The following WDR25 variants were observed in gnomAD, a reference collection of about 807,000 sequenced individuals.
WDR25 encodes WD repeat-containing protein 25.
In WDR25, 35 loss-of-function variants were observed where a neutral mutation model predicts 47.7. The ratio of observed to expected loss-of-function variants is 0.73; its 90% confidence interval spans 0.56 to 0.97. WDR25 has a LOEUF of 0.97. WDR25 is among the 50% of genes least tolerant of loss of function. The pLI is 0.00. For synonymous variants in WDR25, 248 were observed against 278.9 expected (o/e 0.89, Z 1.10); for missense variants, 634 against 704.7 (o/e 0.90, Z 1.14).
intron 2 of WDR25, among the ~76,000 whole-genome samples, chr14:100,390,035 TTATC>T (rs1595492260): frequency 6.6e-6 from 1 of 152,356 alleles, no homozygotes; most frequent in Middle Eastern, 3.4e-3. Flanking sequence ...TTCTTCCACT[TTATC>T]TATCTTTCAA....
chr14:100,462,421 C>G (rs1335775841), intron 2 of WDR25, among the ~76,000 whole-genome samples: 1 of 152,180 alleles, frequency 6.6e-6, no homozygotes, highest in African/African-American at 2.4e-5. Flanking sequence ...GGGAATTAAT[C>G]TTTAAAACCT....
At chr14:100,389,255 C>T (rs1897085614) in intron 2 of WDR25, among the ~76,000 whole-genome samples, 1 of 152,180 alleles carries the variant, frequency 6.6e-6, no homozygotes, top group Non-Finnish European at 1.5e-5. Flanking sequence ...AGCAGCGTTT[C>T]CTTCTAGTCT....
chr14:100,466,091 T>C (rs1267372950), intron 2 of WDR25, among the ~76,000 whole-genome samples: 2 of 152,248 alleles, frequency 1.3e-5, no homozygotes, highest in African/African-American at 2.4e-5. Flanking sequence ...AGCAGTTCCC[T>C]GTGCCCCATC....
intron 2 of WDR25, among the ~76,000 whole-genome samples, chr14:100,398,070 T>C (rs1030469408): frequency 3.9e-5 from 6 of 152,164 alleles, no homozygotes; most frequent in African/African-American, 1.2e-4. Context: ...ACTCCTTACC[T>C]CAAGTGATCC....
intron 2 of WDR25, among the ~76,000 whole-genome samples, chr14:100,448,243 G>C (rs1898905230): frequency 6.7e-6 from 1 of 150,260 alleles, no homozygotes; most frequent in Admixed American, 6.7e-5. Flanking sequence ...AAAATGTTAA[G>C]TGAAGAAAGC....
intron 2 of WDR25, among the ~76,000 whole-genome samples, chr14:100,446,295 C>A (rs1028684419): frequency 1.3e-5 from 2 of 152,154 alleles, no homozygotes; most frequent in African/African-American, 4.8e-5. Flanking sequence ...TGGCTCATGC[C>A]TGTAATCCTA....
At chr14:100,510,342 C>T (rs948010141) in intron 4 of WDR25, among the ~76,000 whole-genome samples, 1 of 151,994 alleles carries the variant, frequency 6.6e-6, no homozygotes, top group Admixed American at 6.6e-5. Context: ...GATCATGGCT[C>T]CTGCAGCCTG....
rs144675918 is a variant in WDR25, at chr14:100,530,065, G to A, written c.*24G>A. ...GAGCTTTTTGTCACTGAACCTTCCC[G>A]ATGCCAGCTGGGCTCTTGGACTCCC... On this transcript the variant is annotated 3_prime_UTR_variant, in exon 7 of 7. Transcript: ENST00000402312. The A allele has an allele frequency of 3.7e-4, 584 of 1,592,532 alleles. 4 individuals carry two copies. In the African/African-American group the frequency reaches 6.9e-3, roughly 19 times the overall value.
At chr14:100,496,804 TTC>T (rs978917502) in intron 4 of WDR25, among the ~76,000 whole-genome samples, 1 of 151,332 alleles carries the variant, frequency 6.6e-6, no homozygotes, top group Non-Finnish European at 1.5e-5. Context: ...TGCCAGATTT[TTC>T]TTTTTCTTTT....
At chr14:100,459,739 G>A (rs1899315797) in intron 2 of WDR25, among the ~76,000 whole-genome samples, 1 of 151,462 alleles carries the variant, frequency 6.6e-6, no homozygotes, top group Non-Finnish European at 1.5e-5. Flanking sequence ...GCCCTCAGAA[G>A]GAACCAACCC....
At chr14:100,463,194 G>GCTC (rs960554546) in intron 2 of WDR25, among the ~76,000 whole-genome samples, 32 of 138,246 alleles carry the variant, frequency 2.3e-4, no homozygotes, top group Admixed American at 2.3e-3. Context: ...TTTTTCTTCT[G>GCTC]CTCCTCCTCC....
rs144418187 is a variant in WDR25 at position 100,380,581 on chromosome 14, G to A, written c.-15-329G>A. On this transcript the variant is annotated intron_variant, in intron 1 of 6. Coordinates refer to ENST00000402312, the MANE Select transcript of WDR25 (RefSeq NM_001161476.3). ...ACAATTTCTGCTCACTGCAACCTCC[G>A]CCTCCCAGGTTCAAGCGATCTCCTG... Among the ~76,000 whole-genome samples the A allele has an allele frequency of 9.6e-3, 1,442 of 150,570 alleles. 24 individuals are homozygous for A. The highest frequency in any genetic ancestry group is 0.034 in the African/African-American group (1,377 of 40,906).
Position 100,529,139 on chromosome 14 carries a change from C to T in WDR25, c.1344C>T (p.Asn448=), listed in dbSNP as rs751625232. The T allele has an allele frequency of 2.5e-6, 4 of 1,603,686 alleles. No individual in the cohort carries two copies. The South Asian group carries it at 3.3e-5, about 13-fold the overall frequency. Residue 448 remains asparagine (N), a synonymous_variant, in exon 6 of 7, where the codon AAC becomes AAT. Transcript: ENST00000402312. This position sits in a 1 kb window ranked among gnomAD's most constrained non-coding sequence, Gnocchi z 5.1. ...TGTTCCTGGCACAGACCAATGGCAA[C>T]TACCTGGCCCTTTTCTCCACTGTGT... The part of the protein sequence containing the change: ...EPVFLAQTNG[N]YLALFSTVWP...
rs185585540 is a variant in WDR25 at position 100,449,641 on chromosome 14, G to A, written c.823-18380G>A. On this transcript the variant is annotated intron_variant, in intron 2 of 6. Coordinates refer to ENST00000402312, the MANE Select transcript of WDR25 (RefSeq NM_001161476.3). The surrounding 1 kb of genome is among the most constrained non-coding windows in gnomAD (Gnocchi z 4.2). ...TTGGAGGCCATTAAAACTAAATCAG[G>A]TGATGCTTCCAGGAGCCCCCACTCA... 1.3e-4 allele frequency among the ~76,000 whole-genome samples: 20 copies of A among 152,336 alleles called. No individual in the cohort carries two copies. The East Asian group carries it at 3.3e-3, about 25-fold the overall frequency.
rs55802109 is a variant in WDR25 at position 100,390,391 on chromosome 14, C to CTGTGTGTGTGTGTGTGTGTG, written c.822+8662_822+8681dup. 1.0e-3 allele frequency among the ~76,000 whole-genome samples: 152 copies of CTGTGTGTGTGTGTGTGTGTG among 146,710 alleles called. 2 individuals are homozygous for CTGTGTGTGTGTGTGTGTGTG. The highest frequency in any genetic ancestry group is 3.4e-3 in the Middle Eastern group (1 of 290). ...CCTAAAAAGCTGACCTGACCAAAAG[C>CTGTGTGTGTGTGTGTGTGTG]TGTGTGTGTGTGTGTGTGTGTGTGT... is the stretch of plus-strand genomic sequence containing the variant. On this transcript the variant is annotated intron_variant, in intron 2 of 6. Coordinates refer to ENST00000402312, the MANE Select transcript of WDR25 (RefSeq NM_001161476.3).
intron 4 of WDR25, among the ~76,000 whole-genome samples, chr14:100,489,592 C>T (rs2140329591): frequency 6.6e-6 from 1 of 152,326 alleles, no homozygotes; most frequent in Non-Finnish European, 1.5e-5. Context: ...AATTACCTCT[C>T]AGTTAAGGCA....
In WDR25 at chr14:100,474,335, C is replaced by A. The variant is rs1478612964; in HGVS notation, c.970+6167C>A. ...ACACCATGCCAGCCCTTAACTGCCA[C>A]TTGGAAAAGTGCCTAGAGATCCTTC... On this transcript the variant is annotated intron_variant, in intron 3 of 6. Transcript: ENST00000402312. Among the ~76,000 whole-genome samples the A allele has an allele frequency of 2.0e-5, 3 of 152,218 alleles. No homozygotes were observed. In the East Asian group the frequency reaches 5.8e-4, roughly 29 times the overall value.
At chr14:100,417,844 G>T (rs989308908) in intron 2 of WDR25, among the ~76,000 whole-genome samples, 1 of 152,084 alleles carries the variant, frequency 6.6e-6, no homozygotes, top group East Asian at 1.9e-4. Flanking sequence ...GTGGACAGGC[G>T]TGTCATGCTG....
intron 2 of WDR25, among the ~76,000 whole-genome samples, chr14:100,464,648 T>TACC (rs1899543308): frequency 6.7e-6 from 1 of 150,078 alleles, no homozygotes; most frequent in Non-Finnish European, 1.5e-5. Flanking sequence ...CCCAGTGCAT[T>TACC]TCATCTCCCC....
Sources: gnomAD v4.1 joint callset for allele counts (sites outside exome capture counted in the v4.1 genomes callset) on GRCh38, gnomAD v4.1.1 for gene constraint, Gnocchi (gnomAD v3.1) non-coding constraint, MANE v1.5 for transcripts, NCBI Gene and HGNC (gene_info 2026-07-23, HGNC 2026-07-21) for gene names.